ATP6V1C1: variants seen among roughly 807,000 people sequenced by gnomAD.
ATP6V1C1 encodes the protein V-type proton ATPase subunit C 1.
A neutral mutation model predicts 53.9 loss-of-function variants in ATP6V1C1; 45 were observed. The observed-to-expected ratio is 0.83, with a 90% CI of 0.66 to 1.07. The LOEUF (loss-of-function observed/expected upper bound fraction) is 1.07. Among genes scored for constraint, ATP6V1C1 ranks in the 50% least tolerant of loss-of-function variants. The probability of loss-of-function intolerance (pLI) is 0.00; values close to 1 mark genes in which losing one functional copy is unlikely to be tolerated. For missense variants in ATP6V1C1, 315 were observed against 440.3 expected (o/e 0.72, Z 2.55); for synonymous variants, 153 against 155.2 (o/e 0.99, Z 0.11).
intron 1 of ATP6V1C1, among the ~76,000 whole-genome samples, chr8:103,022,025 G>A (rs111948878): frequency 0.011 from 1,601 of 152,284 alleles, 14 homozygotes; most frequent in Non-Finnish European, 0.017. Context: ...CTATCCTTAG[G>A]AGTTAGCACT....
chr8:103,040,874 A>C lies in ATP6V1C1; in HGVS notation c.38A>C (p.Lys13Thr). ...TGGCTTATATCTGCTCCTGGGGAGA[A>C]AACCTGTCAGCAAACATGGGAGAAA... ...EFWLISAPGE[K>T]TCQQTWEKLH... Residue 13 changes from lysine (K) to threonine (T), a missense_variant, in exon 2 of 13, where the codon AAA (lysine) becomes ACA (threonine). Coordinates refer to ENST00000518738, the MANE Select transcript of ATP6V1C1 (RefSeq NM_001695.5). The C allele has an allele frequency of 1.2e-6, 2 of 1,614,138 alleles. No homozygotes were observed. The highest frequency in any genetic ancestry group is 1.7e-6 in the Non-Finnish European group (2 of 1,179,996).
chr8:103,025,978 T>G (rs2131379751), intron 1 of ATP6V1C1, among the ~76,000 whole-genome samples: 1 of 152,318 alleles, frequency 6.6e-6, no homozygotes, highest in East Asian at 1.9e-4. Context: ...TATTATAAAT[T>G]GCCAGCCATG....
intron 8 of ATP6V1C1, among the ~76,000 whole-genome samples, chr8:103,061,263 A>C (rs1817390523): frequency 6.6e-6 from 1 of 151,854 alleles, no homozygotes; most frequent in South Asian, 2.1e-4. Context: ...TACAGTGATC[A>C]GTACTCCTGG....
intron 8 of ATP6V1C1, 46 bp from the exon 9 acceptor site, chr8:103,062,909 C>T: frequency 6.4e-7 from 1 of 1,555,554 alleles, no homozygotes. Context: ...ATATGAAAGA[C>T]AGCAATACGT....
At chr8:103,061,372 G>A (rs1344449973) in intron 8 of ATP6V1C1, among the ~76,000 whole-genome samples, 2 of 152,340 alleles carry the variant, frequency 1.3e-5, no homozygotes, top group East Asian at 3.9e-4. Context: ...GATTAACACT[G>A]TAATTGCCTC....
At chr8:103,024,302 TA>T (rs1213224030) in intron 1 of ATP6V1C1, among the ~76,000 whole-genome samples, 2 of 152,220 alleles carry the variant, frequency 1.3e-5, no homozygotes, top group Non-Finnish European at 2.9e-5. Flanking sequence ...TACTCATTTT[TA>T]TTTTTTTGGT....
intron 1 of ATP6V1C1, among the ~76,000 whole-genome samples, chr8:103,039,156 A>G (rs1436382334): frequency 6.6e-6 from 1 of 152,216 alleles, no homozygotes; most frequent in African/African-American, 2.4e-5. Context: ...TTATCTGTAA[A>G]TGGGAAGCAT....
chr8:103,066,887 C>T, intron 12 of ATP6V1C1, among the ~76,000 whole-genome samples: 1 of 151,366 alleles, frequency 6.6e-6, no homozygotes, highest in Non-Finnish European at 1.5e-5. Context: ...GTTGGTAGTC[C>T]CAGCAACTGA....
chr8:103,024,344 G>GT (rs1816659038), intron 1 of ATP6V1C1, among the ~76,000 whole-genome samples: 1 of 152,096 alleles, frequency 6.6e-6, no homozygotes, highest in Non-Finnish European at 1.5e-5. Flanking sequence ...ATGTACATTA[G>GT]TTTTTTCAAC....
rs765288733 is a variant in ATP6V1C1, at chr8:103,066,406, T to C, written c.1012T>C (p.Leu338=). Reference sequence around the variant, plus strand: ...GAAACTGAGAGAAGTATTACATGAATTGTATAAACATCTAGACAGCAGTGC... The same window carrying C: ...GAAACTGAGAGAAGTATTACATGAACTGTATAAACATCTAGACAGCAGTGC... ...LKKLREVLHE[L]YKHLDSSAAA... is the part of the protein sequence containing the mutation. The change falls in exon 12 of 13, where the codon TTG becomes CTG. Residue 338 remains leucine, a synonymous_variant. Transcript: ENST00000518738. 2.5e-6 allele frequency: 4 copies of C among 1,613,144 alleles called. No homozygotes were observed. Among genetic ancestry groups the C allele is most frequent in the Non-Finnish European group, 3.4e-6 (4 of 1,179,796 alleles).
intron 1 of ATP6V1C1, among the ~76,000 whole-genome samples, chr8:103,026,397 C>G (rs1816694126): frequency 6.6e-6 from 1 of 152,050 alleles, no homozygotes; most frequent in East Asian, 1.9e-4. Flanking sequence ...ATTAAATTGC[C>G]TTTCATATTT....
At chr8:103,042,810 A>G (rs778822334) in intron 3 of ATP6V1C1, among the ~76,000 whole-genome samples, 42 of 152,026 alleles carry the variant, frequency 2.8e-4, no homozygotes, top group Non-Finnish European at 5.9e-4. Flanking sequence ...GCCACTATAG[A>G]TTTGCTTGGT....
chr8:103,047,153 T>A (rs777569821), intron 3 of ATP6V1C1, among the ~76,000 whole-genome samples: 1 of 152,128 alleles, frequency 6.6e-6, no homozygotes, highest in Non-Finnish European at 1.5e-5. Flanking sequence ...ATTTCTGAAA[T>A]TGTTCTGATT....
chr8:103,064,642 TAAA>T (rs1254525505), intron 10 of ATP6V1C1, 69 bp from the exon 11 acceptor site: 1 of 1,259,396 alleles, frequency 7.9e-7, no homozygotes, highest in South Asian at 1.4e-5. Context: ...GGTAGTCACT[TAAA>T]AAAATATTTG....
intron 1 of ATP6V1C1, among the ~76,000 whole-genome samples, chr8:103,034,411 C>T (rs1405909179): frequency 6.6e-6 from 1 of 151,864 alleles, no homozygotes; most frequent in East Asian, 1.9e-4. Flanking sequence ...CAAATGGCCA[C>T]TAATTTTGAC....
chr8:103,051,229 G>A, intron 5 of ATP6V1C1, 85 bp downstream of exon 5: 2 of 1,039,722 alleles, frequency 1.9e-6, no homozygotes, highest in African/African-American at 1.6e-5. Flanking sequence ...ATACTTTTTA[G>A]GTTTTGATAA....
chr8:103,066,497 A>T, intron 12 of ATP6V1C1, 50 bp downstream of exon 12: 1 of 1,492,062 alleles, frequency 6.7e-7, no homozygotes, highest in Non-Finnish European at 8.9e-7. Context: ...AATTTCAGAA[A>T]AAAAATGATT....
chr8:103,036,330 A>T (rs1436221731), intron 1 of ATP6V1C1, among the ~76,000 whole-genome samples: 1 of 152,218 alleles, frequency 6.6e-6, no homozygotes, highest in Non-Finnish European at 1.5e-5. Flanking sequence ...TCAGACTTAG[A>T]AGGCACCTTT....
At chr8:103,035,317 ATTG>A (rs141464233) in intron 1 of ATP6V1C1, among the ~76,000 whole-genome samples, 9,565 of 152,046 alleles carry the variant, frequency 0.063, 984 homozygotes, top group African/African-American at 0.21. Context: ...TGGTTCCATC[ATTG>A]TTGTATTTGA....
Sources: gnomAD v4.1 joint callset for allele counts (sites outside exome capture counted in the v4.1 genomes callset) on GRCh38, gnomAD v4.1.1 for gene constraint, MANE v1.5 for transcripts, NCBI Gene and HGNC (gene_info 2026-07-23, HGNC 2026-07-21) for gene names.